CWH43: variants seen among roughly 807,000 people sequenced by gnomAD.
The protein encoded by CWH43 is PGAP2-interacting protein.
CWH43 carries 91 observed loss-of-function variants against 85.7 expected under a neutral mutation model. The ratio of observed to expected loss-of-function variants is 1.06; its 90% CI spans 0.90 to 1.26. The LOEUF (loss-of-function observed/expected upper bound fraction) is 1.26. Among genes scored for constraint, CWH43 ranks in the 50% most tolerant of loss-of-function variants. CWH43 has a pLI of 0.00. For missense variants in CWH43, 869 were observed against 839.2 expected (o/e 1.04, Z -0.44); for synonymous variants, 323 against 293.6 (o/e 1.10, Z -1.02).
chr4:48,988,326 T>TG, intron 1 of CWH43, 151 bp from the exon 2 acceptor site: 62 of 478,948 alleles, frequency 1.3e-4, no homozygotes, highest in South Asian at 9.9e-4. Flanking sequence ...CTTGTTTTGT[T>TG]CCATGTCAGT....
chr4:49,040,225 T>C (rs1784413989), intron 13 of CWH43, among the ~76,000 whole-genome samples: 1 of 152,200 alleles, frequency 6.6e-6, no homozygotes, highest in Non-Finnish European at 1.5e-5. Flanking sequence ...TGTGTCTTAA[T>C]AGCAGCATGA....
At chr4:49,005,234 A>G (rs1172269814) in intron 7 of CWH43, among the ~76,000 whole-genome samples, 1 of 152,204 alleles carries the variant, frequency 6.6e-6, no homozygotes, top group Admixed American at 6.5e-5. Flanking sequence ...TTTGTGGGGT[A>G]CAATTGCAAT....
chr4:49,019,204 A>T (rs1213043332), intron 9 of CWH43, among the ~76,000 whole-genome samples: 5 of 152,214 alleles, frequency 3.3e-5, no homozygotes, highest in Admixed American at 6.6e-5. Flanking sequence ...AAATAAAGAA[A>T]TGGTCTCCTT....
intron 7 of CWH43, among the ~76,000 whole-genome samples, chr4:49,005,379 A>G (rs1783122721): frequency 6.6e-6 from 1 of 151,960 alleles, no homozygotes; most frequent in Non-Finnish European, 1.5e-5. Flanking sequence ...CTTCTGGTCT[A>G]CTTTATCTAC....
chr4:49,027,393 G>A (rs1434672700), intron 9 of CWH43, among the ~76,000 whole-genome samples: 1 of 152,140 alleles, frequency 6.6e-6, no homozygotes, highest in Non-Finnish European at 1.5e-5. Context: ...ATATTTTGGA[G>A]TGATGACATC....
rs1295103716 is a variant in CWH43 at position 48,992,011 on chromosome 4, C to T, written c.432C>T (p.Asn144=). Reference sequence around the variant, plus strand: ...TACGCATATGGTATACTTCACTAAACCCAATCTGGAGTTATCAGATGTCCA... The same window carrying T: ...TACGCATATGGTATACTTCACTAAATCCAATCTGGAGTTATCAGATGTCCA... ...VVLRIWYTSL[N]PIWSYQMSNK... is the part of the protein sequence containing the mutation. Residue 144 remains asparagine, a synonymous_variant, in exon 4 of 16, where the codon AAC becomes AAT. Coordinates refer to ENST00000226432, the MANE Select transcript of CWH43 (RefSeq NM_025087.3). The surrounding 1 kb of genome is among the most constrained non-coding windows in gnomAD (Gnocchi z 4.3). 12 of 1,613,730 alleles carry T rather than the reference C, an allele frequency of 7.4e-6. No individual in the cohort carries two copies. The Admixed American group carries it at 1.7e-4, about 22-fold the overall frequency.
chr4:49,033,774 A>G (rs1055749142), intron 12 of CWH43, among the ~76,000 whole-genome samples: 40 of 152,348 alleles, frequency 2.6e-4, no homozygotes, highest in African/African-American at 9.1e-4. Context: ...CTTATACTTG[A>G]CCATACTAAA....
chr4:49,017,095 C>T (rs1783573634), intron 8 of CWH43, 154 bp from the exon 9 acceptor site: 4 of 748,242 alleles, frequency 5.3e-6, no homozygotes, highest in Non-Finnish European at 9.6e-6. Context: ...CTCCCCAAGA[C>T]TCTTCTTCCA....
chr4:49,010,381 T>C (rs1783315786), intron 8 of CWH43, among the ~76,000 whole-genome samples: 1 of 152,224 alleles, frequency 6.6e-6, no homozygotes. Flanking sequence ...TCTTTATTAG[T>C]CTTGCTAGTG....
At chr4:49,052,061 AT>A (rs1259775794) in intron 15 of CWH43, among the ~76,000 whole-genome samples, 4 of 152,086 alleles carry the variant, frequency 2.6e-5, no homozygotes, top group Non-Finnish European at 2.9e-5. Context: ...AACATTTCTC[AT>A]TTTTTTGGGG....
intron 9 of CWH43, among the ~76,000 whole-genome samples, chr4:49,020,460 G>T (rs1783718053): frequency 6.8e-6 from 1 of 146,132 alleles, no homozygotes; most frequent in Admixed American, 7.0e-5. Flanking sequence ...CTTGTTGATT[G>T]ATGGGCATTT....
At chr4:49,050,921 A>C in intron 15 of CWH43, 72 bp downstream of exon 15, 1 of 1,045,406 alleles carries the variant, frequency 9.6e-7, no homozygotes, top group South Asian at 1.8e-5. Flanking sequence ...TATTACCTCA[A>C]AATGAGCTAG....
At position 48,998,558 on chromosome 4, in the gene CWH43, A is replaced by G; in HGVS notation, c.802+10A>G. The G allele has an allele frequency of 6.3e-7, 1 of 1,591,506 alleles. No homozygotes were observed. Among genetic ancestry groups the G allele is most frequent in the East Asian group, 2.2e-5 (1 of 44,780 alleles). On this transcript the variant is annotated intron_variant, in intron 6 of 15. Coordinates refer to ENST00000226432, the MANE Select transcript of CWH43 (RefSeq NM_025087.3). Reference sequence around the variant, plus strand: ...ATCTGGTGGGTTACAGGTATGTGGAATTTACCTGCAGATAGAACACGACTG... The same window carrying G: ...ATCTGGTGGGTTACAGGTATGTGGAGTTTACCTGCAGATAGAACACGACTG...
At chr4:49,019,207 G>A (rs759048092) in intron 9 of CWH43, among the ~76,000 whole-genome samples, 17 of 152,134 alleles carry the variant, frequency 1.1e-4, no homozygotes, top group Non-Finnish European at 2.2e-4. Flanking sequence ...TAAAGAAATG[G>A]TCTCCTTTTA....
chr4:49,061,893 C>A lies in CWH43; in HGVS notation c.*3C>A. The A allele has an allele frequency of 2.2e-6, 3 of 1,348,710 alleles. No individual in the cohort carries two copies. Among genetic ancestry groups the A allele is most frequent in the Non-Finnish European group, 2.9e-6 (3 of 1,017,258 alleles). 83.5% of individuals were successfully genotyped at this position (1,348,710 alleles called of 1,614,324 possible). A position where few individuals can be genotyped will look rare whatever the true frequency, so the allele number is the denominator to read the frequency against. The stretch of plus-strand genomic sequence containing the variant: ...ATACTCCCAAATACTTTTTATGAAA[C>A]ATTTAAAACAAGAAGTTATTGGCTG... On this transcript the variant is annotated 3_prime_UTR_variant, in exon 16 of 16. Coordinates refer to ENST00000226432, the MANE Select transcript of CWH43 (RefSeq NM_025087.3).
chr4:49,036,442 T>C (rs2109814619), intron 12 of CWH43, among the ~76,000 whole-genome samples: 1 of 152,370 alleles, frequency 6.6e-6, no homozygotes, highest in South Asian at 2.1e-4. Flanking sequence ...CTTTTCACTC[T>C]TTTATTTCTT....
Position 48,992,230 on chromosome 4 carries a change from T to C in CWH43, c.511+140T>C. On this transcript the variant is annotated intron_variant, in intron 4 of 15. Coordinates refer to ENST00000226432, the MANE Select transcript of CWH43 (RefSeq NM_025087.3). This position sits in a 1 kb window ranked among gnomAD's most constrained non-coding sequence, Gnocchi z 4.3. ...TCAGCTTTTTCTTCCTCTGAAATAA[T>C]AATTGGTGCAGCCAGTGGGCTATTT... The C allele has an allele frequency of 2.7e-6, 2 of 751,528 alleles. No homozygotes were observed. The highest frequency in any genetic ancestry group is 4.2e-6 in the Non-Finnish European group (2 of 475,322). 46.6% of individuals were successfully genotyped at this position (751,528 alleles called of 1,614,324 possible). A position where few individuals can be genotyped will look rare whatever the true frequency, so the allele number is the denominator to read the frequency against.
rs201789622 is a variant in CWH43, at chr4:48,986,438, G to T, written c.9G>T (p.Ser3=). MP[S]LWREILLESL... ...TGCCCCTCGCCGCGGCGATGCCCTC[G>T]CTGTGGAGAGAAATCCTCTTGGAGT... is the stretch of plus-strand genomic sequence containing the variant. Residue 3 remains serine, a synonymous_variant, in exon 1 of 16, where the codon TCG becomes TCT. Coordinates refer to ENST00000226432, the MANE Select transcript of CWH43 (RefSeq NM_025087.3). 17 of 1,549,260 alleles carry T rather than the reference G, an allele frequency of 1.1e-5. 1 individual carries two copies. The African/African-American group carries it at 1.9e-4, about 17-fold the overall frequency.
In CWH43 at chr4:49,032,717, T is replaced by C; in HGVS notation, c.1658+2T>C. 6.2e-7 allele frequency: 1 copy of C among 1,613,810 alleles called. No homozygotes were observed. The highest frequency in any genetic ancestry group is 8.5e-7 in the Non-Finnish European group (1 of 1,179,786). ...CGTGACACACTTTGGGAACCACGAG[T>C]GGGTTTCTTTGGCCCACCTAATATT... On this transcript the variant is annotated splice_donor_variant, in intron 12 of 15. Coordinates refer to ENST00000226432, the MANE Select transcript of CWH43 (RefSeq NM_025087.3). LOFTEE classifies it high-confidence loss of function.
Sources: allele counts gnomAD v4.1 joint callset (sites outside exome capture counted in the v4.1 genomes callset), GRCh38; gene constraint gnomAD v4.1.1; non-coding constraint Gnocchi (gnomAD v3.1); transcripts MANE v1.5; gene names NCBI Gene and HGNC (gene_info 2026-07-23, HGNC 2026-07-21).